Variants in DDR1 observed in about 807,000 individuals in gnomAD.
DDR1 encodes the protein discoidin domain receptor tyrosine kinase 1, also known as epithelial discoidin domain-containing receptor 1.
DDR1 carries 64 observed loss-of-function variants against 97.4 expected under a neutral mutation model. The observed-to-expected ratio is 0.66, with a 90% confidence interval of 0.54 to 0.81. DDR1 has a LOEUF of 0.81. DDR1 is among the 30% of genes least tolerant of loss of function. The pLI is 0.00. For synonymous variants in DDR1, 458 were observed against 503.7 expected, an observed-to-expected ratio of 0.91 and a Z score of 1.21; for missense variants, 990 against 1,259.6, an observed-to-expected ratio of 0.79 and a Z score of 3.24.
chr6:30,889,461 G>T lies in DDR1; in HGVS notation c.417+31G>T. 2.1e-6 allele frequency: 3 copies of T among 1,454,498 alleles called. No individual in the cohort carries two copies. The highest frequency in any genetic ancestry group is 2.7e-6 in the Non-Finnish European group (3 of 1,100,786). The allele number at this position is 1,454,498 out of a possible 1,614,324, so 90.1% of individuals were successfully genotyped here. On this transcript the variant is annotated intron_variant, in intron 4 of 17. Coordinates refer to ENST00000376568, the MANE Select transcript of DDR1 (RefSeq NM_001297654.2). The surrounding 1 kb of genome is among the most constrained non-coding windows in gnomAD (Gnocchi z 4.9). ...ACTGGCAGGGGCAGCACCCAGAGGA[G>T]GTTGGCTCTCCTCACTTCCAGCTGT...
rs140012475 is a variant in DDR1, at chr6:30,896,666, T to G, written c.1670T>G (p.Leu557Arg). ...YMEPEKPGAP[L>R]LPPPPQNSVP... ...GAGCCTGAGAAGCCAGGCGCCCCGC[T>G]TCTGCCCCCACCTCCCCAGAACAGC... The change falls in exon 13 of 18, where the codon CTT (leucine) becomes CGT (arginine). Residue 557 changes from leucine (L) to arginine (R), a missense_variant. Transcript: ENST00000376568. 3.2e-4 allele frequency: 515 copies of G among 1,613,334 alleles called. No individual in the cohort carries two copies. Among genetic ancestry groups the G allele is most frequent in the Non-Finnish European group, 4.2e-4 (490 of 1,179,764 alleles).
upstream of DDR1, among the ~76,000 whole-genome samples, chr6:30,881,616 A>C (rs1390506778): frequency 6.6e-6 from 1 of 151,918 alleles, no homozygotes; most frequent in East Asian, 1.9e-4. Context: ...CTCTCTTAGG[A>C]GTTTGTTTCC....
chr6:30,898,572 G>A (rs746959834), intron 16 of DDR1, among the ~76,000 whole-genome samples: 2 of 152,240 alleles, frequency 1.3e-5, no homozygotes, highest in Admixed American at 6.5e-5. Flanking sequence ...GGGCGAGGAA[G>A]CTGGAGATAG....
Position 30,899,503 on chromosome 6 carries a change from CT to C in DDR1, c.*208del. 1.6e-6 allele frequency: 1 copy of C among 618,780 alleles called. No individual in the cohort carries two copies. The highest frequency in any genetic ancestry group is 2.7e-6 in the Non-Finnish European group (1 of 367,664). 38.3% of individuals were successfully genotyped at this position (618,780 alleles called of 1,614,324 possible). On this transcript the variant is annotated 3_prime_UTR_variant, in exon 18 of 18. Transcript: ENST00000376568. ...CTGGACACACTCTCATGTCCCCTTC[CT>C]GTTCTTCCTTCCTAGAAGCCCCTGT...
Position 30,896,810 on chromosome 6 carries a change from TC to T in DDR1, c.1817del (p.Pro606LeufsTer47). 6.3e-7 allele frequency: 1 copy of T among 1,590,838 alleles called. No individual in the cohort carries two copies. The highest frequency in any genetic ancestry group is 1.3e-5 in the African/African-American group (1 of 74,548). On this transcript the variant is annotated frameshift_variant, in exon 13 of 18. Transcript: ENST00000376568. LOFTEE classifies it high-confidence loss of function. ...GGGGATGGGCCCCCCAGAGTGGATT[TC>T]CCTCGATCTCGACTCCGCTTCAAGG... is the stretch of plus-strand genomic sequence containing the variant. ...AVGDGPPRVD[F>X]PRSRLRFKEK...
Position 30,891,191 on chromosome 6 carries a change from G to T in DDR1, c.565+71G>T. ...TGGAGGGTGGGGAGTGTGGAGAATG[G>T]GCATCCAGGATCCCTTCTCCTGCTG... On this transcript the variant is annotated intron_variant, in intron 5 of 17. Transcript: ENST00000376568. The surrounding 1 kb of genome is among the most constrained non-coding windows in gnomAD (Gnocchi z 5.3). The T allele has an allele frequency of 6.3e-7, 1 of 1,588,318 alleles. No individual in the cohort carries two copies. The highest frequency in any genetic ancestry group is 8.6e-7 in the Non-Finnish European group (1 of 1,166,292).
intron 12 of DDR1, among the ~76,000 whole-genome samples, chr6:30,896,261 G>A (rs1002200485): frequency 2.0e-5 from 3 of 151,816 alleles, no homozygotes; most frequent in East Asian, 2.0e-4. Flanking sequence ...GAGGGTGCCT[G>A]GATGCTGGGA....
In DDR1 at chr6:30,884,901, G is replaced by C; in HGVS notation, c.-43+191G>C. 1 of 381,092 alleles carries C rather than the reference G, an allele frequency of 2.6e-6. No homozygotes were observed. Among genetic ancestry groups the C allele is most frequent in the Non-Finnish European group, 4.7e-6 (1 of 212,512 alleles). The allele number at this position is 381,092 out of a possible 1,614,324, so 23.6% of individuals were successfully genotyped here. ...CATACCGTCTGAAAACCGGGGGCGG[G>C]GACTGGGTGGAGGTGAAGCCCGTGA... is the stretch of plus-strand genomic sequence containing the variant. On this transcript the variant is annotated intron_variant, in intron 1 of 17. Coordinates refer to ENST00000376568, the MANE Select transcript of DDR1 (RefSeq NM_001297654.2). This position sits in a 1 kb window ranked among gnomAD's most constrained non-coding sequence, Gnocchi z 6.1.
Position 30,897,539 on chromosome 6 carries a change from G to A in DDR1, c.2158G>A (p.Asp720Asn), listed in dbSNP as rs758886410. 1.2e-6 allele frequency: 2 copies of A among 1,614,010 alleles called. No individual in the cohort carries two copies. The highest frequency in any genetic ancestry group is 2.2e-5 in the South Asian group (2 of 91,074). ...GTTCCTCAGTGCCCACCAGCTGGAG[G>A]ACAAGGCAGCCGAGGGGGCCCCTGG... ...NQFLSAHQLE[D>N]KAAEGAPGDG... Residue 720 changes from aspartate (D) to asparagine (N), a missense_variant, in exon 15 of 18, where the codon GAC becomes AAC. Physicochemically the swap from Asp to Asn is conservative, Grantham distance 23. Transcript: ENST00000376568. The surrounding 1 kb of genome is among the most constrained non-coding windows in gnomAD (Gnocchi z 5.2).
intron 16 of DDR1, 124 bp from the exon 17 acceptor site, chr6:30,898,763 CT>C: frequency 9.7e-7 from 1 of 1,027,156 alleles, no homozygotes; most frequent in Non-Finnish European, 1.5e-6. Context: ...AGTGGAGAGC[CT>C]GGCGTCAGGA....
In DDR1 at chr6:30,891,562, T is replaced by TTTGTGTGTGTGTGA. The variant is rs1562385089; in HGVS notation, c.665+83_665+84insTTGTGTGTGTGTGA. On this transcript the variant is annotated intron_variant, in intron 6 of 17. Coordinates refer to ENST00000376568, the MANE Select transcript of DDR1 (RefSeq NM_001297654.2). This position sits in a 1 kb window ranked among gnomAD's most constrained non-coding sequence, Gnocchi z 5.3. Reference sequence around the variant, plus strand: ...GTGTGTGTGTGTGTGTGTGTGAGAGTGTGTGTGTGTAGGGGGGCTGGTAAG... The same window carrying TTTGTGTGTGTGTGA: ...GTGTGTGTGTGTGTGTGTGTGAGAGTTTGTGTGTGTGTGAGTGTGTGTGTAGGGGGGCTGGTAAG... 5.4e-5 allele frequency: 37 copies of TTTGTGTGTGTGTGA among 691,248 alleles called. 1 individual carries two copies. The highest frequency in any genetic ancestry group is 8.1e-5 in the Admixed American group (3 of 37,046). 42.8% of individuals were successfully genotyped at this position (691,248 alleles called of 1,614,324 possible).
At position 30,892,424 on chromosome 6, in the gene DDR1, G is replaced by A. The variant is rs1788826412; in HGVS notation, c.981G>A (p.Gly327=). The A allele has an allele frequency of 6.2e-7, 1 of 1,605,856 alleles. No homozygotes were observed. Among genetic ancestry groups the A allele is most frequent in the Non-Finnish European group, 8.5e-7 (1 of 1,179,078 alleles). The change falls in exon 8 of 18, where the codon GGG becomes GGA. Residue 327 remains glycine (G), a synonymous_variant. Coordinates refer to ENST00000376568, the MANE Select transcript of DDR1 (RefSeq NM_001297654.2). Reference sequence around the variant, plus strand: ...GCCACAACCTAGGGGGCAACCTGGGGGACCCCAGAGCCCGGGCTGTCTCAG... The same window carrying A: ...GCCACAACCTAGGGGGCAACCTGGGAGACCCCAGAGCCCGGGCTGTCTCAG... ...PMRHNLGGNL[G]DPRARAVSVP... is the part of the protein sequence containing the mutation.
chr6:30,898,696 G>A (rs915688293), intron 16 of DDR1, among the ~76,000 whole-genome samples, 192 bp from the exon 17 acceptor site: 1 of 152,160 alleles, frequency 6.6e-6, no homozygotes, highest in African/African-American at 2.4e-5. Flanking sequence ...ACCAGAGCAT[G>A]GAGAGGAAAG....
intron 1 of DDR1, chr6:30,885,278 C>G: frequency 6.5e-7 from 1 of 1,528,598 alleles, no homozygotes; most frequent in African/African-American, 1.4e-5. Context: ...TGGCTCTTGG[C>G]TGAACATTTC....
At chr6:30,885,374 G>A in intron 1 of DDR1, 1 of 1,048,528 alleles carries the variant, frequency 9.5e-7, no homozygotes, top group South Asian at 1.5e-5. Context: ...GGACTGAGTG[G>A]TGTGGTGGAG....
intron 13 of DDR1, 24 bp from the exon 14 acceptor site, chr6:30,896,989 CT>C: frequency 6.2e-7 from 1 of 1,604,510 alleles, no homozygotes; most frequent in Non-Finnish European, 8.5e-7. Flanking sequence ...CTGTGACCGC[CT>C]AGCAAACGAA....
chr6:30,897,308 G>T lies in DDR1; in HGVS notation c.1998-71G>T. 2 of 1,485,254 alleles carry T rather than the reference G, an allele frequency of 1.3e-6. No individual in the cohort carries two copies. The highest frequency in any genetic ancestry group is 1.8e-6 in the Non-Finnish European group (2 of 1,095,910). The allele number at this position is 1,485,254 out of a possible 1,614,324, so 92.0% of individuals were successfully genotyped here. A position where few individuals can be genotyped will look rare whatever the true frequency, so the allele number is the denominator to read the frequency against. On this transcript the variant is annotated intron_variant, in intron 14 of 17. Coordinates refer to ENST00000376568, the MANE Select transcript of DDR1 (RefSeq NM_001297654.2). This position sits in a 1 kb window ranked among gnomAD's most constrained non-coding sequence, Gnocchi z 5.2. ...CCTGGTCTGCCTGAGGTGGGGCAGG[G>T]GGGTGGGGGCGCGGGGGAAGGTGCA... is the stretch of plus-strand genomic sequence containing the variant.
rs373581645 is a variant in DDR1 at position 30,897,736 on chromosome 6, A to G, written c.2216+139A>G. On this transcript the variant is annotated intron_variant, in intron 15 of 17. Transcript: ENST00000376568. The surrounding 1 kb of genome is among the most constrained non-coding windows in gnomAD (Gnocchi z 5.2). The stretch of plus-strand genomic sequence containing the variant: ...GGTTCCAGGAGGGCCTGGGATAAGG[A>G]ATGTGTGACAAGTTAACCCAGGAAC... 7 of 707,246 alleles carry G rather than the reference A, an allele frequency of 9.9e-6. No homozygotes were observed. Among genetic ancestry groups the G allele is most frequent in the African/African-American group, 7.1e-5 (4 of 56,102 alleles). The allele number at this position is 707,246 out of a possible 1,614,324, so 43.8% of individuals were successfully genotyped here.
intron 1 of DDR1, chr6:30,885,469 C>T (rs1259581456): frequency 9.7e-6 from 9 of 923,862 alleles, no homozygotes; most frequent in Non-Finnish European, 1.4e-5. Flanking sequence ...CACCTGTTCC[C>T]TGCCCCCTCG....
Sources: allele counts gnomAD v4.1 joint callset (sites outside exome capture counted in the v4.1 genomes callset), GRCh38; gene constraint gnomAD v4.1.1; non-coding constraint Gnocchi (gnomAD v3.1); transcripts MANE v1.5; gene names NCBI Gene and HGNC (gene_info 2026-07-23, HGNC 2026-07-21).